Variants in FYN observed in about 807,000 individuals in gnomAD.
FYN encodes the protein tyrosine-protein kinase Fyn.
Under a neutral mutation model 70.2 loss-of-function variants are expected in FYN, and 10 were observed. The observed-to-expected ratio is 0.14, with a 90% CI of 0.09 to 0.24. The LOEUF is 0.24. Ranked by LOEUF, FYN falls within the 10% of genes least tolerant of loss-of-function variation. FYN has a pLI of 1.00. For missense variants in FYN, 319 were observed against 673.1 expected (o/e 0.47, Z 5.82); for synonymous variants, 236 against 248.6 (o/e 0.95, Z 0.48).
chr6:111,712,414 C>T (rs570747460), intron 5 of FYN, among the ~76,000 whole-genome samples: 1 of 152,310 alleles, frequency 6.6e-6, no homozygotes, highest in Non-Finnish European at 1.5e-5. Flanking sequence ...AGCCCAATCC[C>T]CTCCTCCCCA....
At chr6:111,765,507 T>A (rs562988247) in intron 3 of FYN, among the ~76,000 whole-genome samples, 2 of 152,176 alleles carry the variant, frequency 1.3e-5, no homozygotes, top group Non-Finnish European at 2.9e-5. Context: ...CTCCAGACTA[T>A]GAGAAAATAT....
At chr6:111,715,326 CT>C (rs1800578573) in intron 4 of FYN, among the ~76,000 whole-genome samples, 1 of 152,032 alleles carries the variant, frequency 6.6e-6, no homozygotes, top group Admixed American at 6.5e-5. Flanking sequence ...AGTGATCCCC[CT>C]GGCTTGGCCT....
intron 12 of FYN, among the ~76,000 whole-genome samples, chr6:111,688,671 G>A (rs1399689062): frequency 2.0e-5 from 3 of 151,954 alleles, no homozygotes; most frequent in Admixed American, 2.0e-4. Context: ...GTGTGCTCAT[G>A]TTGATGTGTG....
chr6:111,786,164 C>G (rs1771372431), intron 2 of FYN, among the ~76,000 whole-genome samples: 1 of 151,810 alleles, frequency 6.6e-6, no homozygotes, highest in African/African-American at 2.4e-5. Flanking sequence ...CACCCATTTA[C>G]TTGTCATTTA....
intron 6 of FYN, among the ~76,000 whole-genome samples, chr6:111,706,305 T>A (rs56376432): frequency 2.0e-5 from 3 of 152,294 alleles, no homozygotes; most frequent in Admixed American, 6.5e-5. Flanking sequence ...TTTTAGAATA[T>A]TTAACTGTGA....
chr6:111,847,379 T>C (rs958556086), intron 1 of FYN, among the ~76,000 whole-genome samples: 3 of 152,254 alleles, frequency 2.0e-5, no homozygotes, highest in South Asian at 2.1e-4. Context: ...GCCAATATTA[T>C]GGTACTTCAT....
At chr6:111,717,359 C>A (rs1463489978) in intron 4 of FYN, among the ~76,000 whole-genome samples, 1 of 152,156 alleles carries the variant, frequency 6.6e-6, no homozygotes, top group African/African-American at 2.4e-5. Flanking sequence ...TGTTATACAG[C>A]AGTTGATAAC....
chr6:111,784,745 T>C (rs1016623589), intron 2 of FYN, among the ~76,000 whole-genome samples: 8 of 152,178 alleles, frequency 5.3e-5, no homozygotes, highest in African/African-American at 1.9e-4. Flanking sequence ...TCCAAATCTG[T>C]TTCTGGATCT....
intron 1 of FYN, among the ~76,000 whole-genome samples, chr6:111,866,350 CTTTTG>C (rs1029320928): frequency 2.0e-5 from 3 of 151,866 alleles, no homozygotes; most frequent in Admixed American, 6.6e-5. Context: ...GTTTTGTTTT[CTTTTG>C]TTTTGAGACA....
intron 1 of FYN, among the ~76,000 whole-genome samples, chr6:111,853,903 T>C (rs1773753677): frequency 6.6e-6 from 1 of 152,142 alleles, no homozygotes; most frequent in African/African-American, 2.4e-5. Context: ...CATTCAGCCA[T>C]TGTGGGAAGT....
At chr6:111,662,872 T>C (rs996955709) in intron 13 of FYN, among the ~76,000 whole-genome samples, 1 of 152,198 alleles carries the variant, frequency 6.6e-6, no homozygotes, top group Non-Finnish European at 1.5e-5. Flanking sequence ...TCTCTACTGA[T>C]GACTTCAGCC....
At chr6:111,852,214 C>G (rs1773704912) in intron 1 of FYN, among the ~76,000 whole-genome samples, 1 of 152,080 alleles carries the variant, frequency 6.6e-6, no homozygotes, top group Non-Finnish European at 1.5e-5. Context: ...TAACACGTTC[C>G]CTTATATTTC....
chr6:111,781,302 G>GC (rs1207547802), intron 2 of FYN, among the ~76,000 whole-genome samples: 1 of 152,036 alleles, frequency 6.6e-6, no homozygotes, highest in Non-Finnish European at 1.5e-5. Context: ...GTCCAGCCCC[G>GC]CAAGAATTTC....
chr6:111,824,654 A>C (rs1237935695), intron 2 of FYN, among the ~76,000 whole-genome samples: 2 of 152,064 alleles, frequency 1.3e-5, no homozygotes, highest in Admixed American at 1.3e-4. Flanking sequence ...ACTCTCCCCC[A>C]GTCATTACTC....
intron 12 of FYN, among the ~76,000 whole-genome samples, chr6:111,689,534 C>T (rs757105430): frequency 6.6e-6 from 1 of 152,142 alleles, no homozygotes; most frequent in Non-Finnish European, 1.5e-5. Context: ...TTGGAAATAA[C>T]CCCAAATGTT....
chr6:111,849,142 G>C (rs1773613846), intron 1 of FYN, among the ~76,000 whole-genome samples: 1 of 152,196 alleles, frequency 6.6e-6, no homozygotes, highest in South Asian at 2.1e-4. Context: ...TGCTGAAGCA[G>C]TGCTGATGTT....
At chr6:111,861,487 G>A (rs1253613033) in intron 1 of FYN, among the ~76,000 whole-genome samples, 2 of 151,922 alleles carry the variant, frequency 1.3e-5, no homozygotes, top group African/African-American at 2.4e-5. Context: ...GTTAAGCAAG[G>A]AAAAAAAATC....
At chr6:111,674,904 AT>A (rs1434222278) in intron 12 of FYN, among the ~76,000 whole-genome samples, 5 of 152,128 alleles carry the variant, frequency 3.3e-5, no homozygotes, top group Non-Finnish European at 7.4e-5. Flanking sequence ...TTATATATAT[AT>A]TTAACTTTGA....
chr6:111,774,921 GTTGGCCAGGCTGGAC>G (rs1305772539), intron 3 of FYN, among the ~76,000 whole-genome samples: 2 of 152,186 alleles, frequency 1.3e-5, no homozygotes, highest in Admixed American at 6.5e-5. Context: ...GTTTCGCCAT[GTTGGCCAGGCTGGAC>G]TCGAACTCCT....
Sources: gnomAD v4.1 joint callset for allele counts (sites outside exome capture counted in the v4.1 genomes callset) on GRCh38, gnomAD v4.1.1 for gene constraint, MANE v1.5 for transcripts, NCBI Gene and HGNC (gene_info 2026-07-23, HGNC 2026-07-21) for gene names.